Variants in SLC66A1 observed in about 807,000 individuals in gnomAD.
SLC66A1 encodes the protein lysosomal amino acid transporter 1 homolog.
Under a neutral mutation model 33.0 loss-of-function variants are expected in SLC66A1, and 23 were observed. The ratio of observed to expected loss-of-function variants is 0.70; its 90% CI spans 0.50 to 0.99. SLC66A1 has a LOEUF of 0.99. Ranked by LOEUF, SLC66A1 falls within the 50% of genes least tolerant of loss-of-function variation. The pLI, the probability that SLC66A1 is intolerant of heterozygous loss-of-function variation, is 0.00. For synonymous variants in SLC66A1, 164 were observed against 175.5 expected (o/e 0.93, Z 0.52); for missense variants, 335 against 383.6 (o/e 0.87, Z 1.06).
downstream of SLC66A1, among the ~76,000 whole-genome samples, chr1:19,330,310 G>C (rs1211285809): frequency 6.6e-6 from 1 of 152,206 alleles, no homozygotes; most frequent in Non-Finnish European, 1.5e-5. Context: ...GAGAGACGCT[G>C]CGTCCCAGAG....
At chr1:19,324,565 T>A in intron 2 of SLC66A1, 68 bp from the exon 3 acceptor site, 1 of 1,585,332 alleles carries the variant, frequency 6.3e-7, no homozygotes, top group Non-Finnish European at 8.6e-7. Flanking sequence ...CTGGGCGGTG[T>A]CCCCTATAAG....
At chr1:19,313,321 TCCTTTCTCACC>T (rs1464758643) in intron 1 of SLC66A1, 1 of 853,268 alleles carries the variant, frequency 1.2e-6, no homozygotes, top group African/African-American at 2.5e-5. Flanking sequence ...CCACCCTTTC[TCCTTTCTCACC>T]CGTTTCCTCT....
chr1:19,325,915 C>T (rs1439586739), intron 4 of SLC66A1, among the ~76,000 whole-genome samples: 2 of 152,192 alleles, frequency 1.3e-5, no homozygotes, highest in African/African-American at 4.8e-5. Context: ...CTGCCTCTGC[C>T]CCAGCCTTCA....
At chr1:19,316,353 T>TTGTGTGTGTGTGTGTGTGTG (rs36226389) in intron 1 of SLC66A1, among the ~76,000 whole-genome samples, 1 of 144,818 alleles carries the variant, frequency 6.9e-6, no homozygotes, top group African/African-American at 2.6e-5. Flanking sequence ...TCTTTATGGT[T>TTGTGTGTGTGTGTGTGTGTG]TGTGTGTGTG....
chr1:19,321,567 A>ATTTTTTTTT (rs35415316), intron 2 of SLC66A1, among the ~76,000 whole-genome samples: 1 of 132,450 alleles, frequency 7.6e-6, no homozygotes, highest in Non-Finnish European at 1.6e-5. Context: ...GTCCAACCTC[A>ATTTTTTTTT]TTTTTTTTTT....
At chr1:19,330,408 C>T (rs150745700), downstream of SLC66A1, among the ~76,000 whole-genome samples, 921 of 152,290 alleles carry the variant, frequency 6.0e-3, 9 homozygotes, top group Non-Finnish European at 7.6e-3. Context: ...CCTTTGTGAG[C>T]ACAGCCCTCC....
chr1:19,316,789 C>T (rs1558145665), intron 1 of SLC66A1, among the ~76,000 whole-genome samples: 1 of 152,090 alleles, frequency 6.6e-6, no homozygotes, highest in Non-Finnish European at 1.5e-5. Flanking sequence ...ACCTCAGCCT[C>T]CTGAGTAGCT....
chr1:19,325,219 A>G (rs992385940), intron 3 of SLC66A1, among the ~76,000 whole-genome samples: 49 of 152,140 alleles, frequency 3.2e-4, no homozygotes, highest in Non-Finnish European at 3.4e-4. Flanking sequence ...CCATCACTTC[A>G]CCGCGGAGTC....
intron 7 of SLC66A1, 179 bp downstream of exon 7, chr1:19,327,591 C>T: frequency 1.2e-6 from 1 of 810,348 alleles, no homozygotes; most frequent in East Asian, 2.8e-5. Flanking sequence ...CTCCTGTGTG[C>T]CAGGCACCCA....
At position 19,317,767 on chromosome 1, in the gene SLC66A1, C is replaced by G. The variant is rs772276265; in HGVS notation, c.90C>G (p.Ala30=). The G allele has an allele frequency of 1.2e-6, 2 of 1,614,024 alleles. No homozygotes were observed. The highest frequency in any genetic ancestry group is 2.7e-5 in the African/African-American group (2 of 74,902). ...TATGGGATGTGTTGGGTGAATGTGC[C>G]CAGGACGGCTGGGACGAGGCCAGCG... ...QWIWDVLGEC[A]QDGWDEASVG... Residue 30 remains alanine, a synonymous_variant, in exon 2 of 8, where the codon GCC becomes GCG. Transcript: ENST00000375153.
chr1:19,320,623 G>T (rs1008952815), intron 2 of SLC66A1, among the ~76,000 whole-genome samples: 2 of 151,660 alleles, frequency 1.3e-5, no homozygotes, highest in Non-Finnish European at 2.9e-5. Flanking sequence ...CACCGTGTTA[G>T]CCAGGATGGT....
At chr1:19,316,183 A>AGGTGGCTGTGGACTCCCTGCT (rs1553261259) in intron 1 of SLC66A1, among the ~76,000 whole-genome samples, 1 of 151,938 alleles carries the variant, frequency 6.6e-6, no homozygotes, top group African/African-American at 2.4e-5. Context: ...GACGGTGGGG[A>AGGTGGCTGTGGACTCCCTGCT]GGTGGCTGTG....
In SLC66A1 at chr1:19,324,482, C is replaced by A. The variant is rs760500924; in HGVS notation, c.165-151C>A. On this transcript the variant is annotated intron_variant, in intron 2 of 7. Transcript: ENST00000375153. ...AAGGGCCGAGAAGGCTTCTGAGGAT[C>A]CCGCCCGTGGGGAGGATGGGCCGCC... 5 of 911,668 alleles carry A rather than the reference C, an allele frequency of 5.5e-6. No individual in the cohort carries two copies. The African/African-American group carries it at 8.3e-5, about 15-fold the overall frequency. 56.5% of individuals were successfully genotyped at this position (911,668 alleles called of 1,614,324 possible). A position where few individuals can be genotyped will look rare whatever the true frequency, so the allele number is the denominator to read the frequency against.
rs779412047 is a variant in SLC66A1 at position 19,317,656 on chromosome 1, C to G, written c.-22C>G. 2 of 1,612,560 alleles carry G rather than the reference C, an allele frequency of 1.2e-6. No individual in the cohort carries two copies. Among genetic ancestry groups the G allele is most frequent in the Non-Finnish European group, 1.7e-6 (2 of 1,179,086 alleles). The stretch of plus-strand genomic sequence containing the variant: ...TCCCTCCGGTGCAGCCCTGCCTGGC[C>G]GGGGGCCCCTCCTCCACAGCCATGG... On this transcript the variant is annotated 5_prime_UTR_variant, in exon 2 of 8. Transcript: ENST00000375153.
At position 19,325,643 on chromosome 1, in the gene SLC66A1, G is replaced by C. The variant is rs1000265913; in HGVS notation, c.382+61G>C. 23 of 1,296,348 alleles carry C rather than the reference G, an allele frequency of 1.8e-5. 2 individuals carry two copies. Among genetic ancestry groups the C allele is most frequent in the Admixed American group, 9.5e-5 (5 of 52,450 alleles). 80.3% of individuals were successfully genotyped at this position (1,296,348 alleles called of 1,614,324 possible). On this transcript the variant is annotated intron_variant, in intron 4 of 7. Transcript: ENST00000375153. ...CCAGCAGCAGGGGGCAGTTGTGGGG[G>C]GGGGCGCCTGGAGTGTGGGAGGAAG...
downstream of SLC66A1, among the ~76,000 whole-genome samples, chr1:19,332,641 A>T (rs983596229): frequency 5.2e-4 from 79 of 152,162 alleles, no homozygotes; most frequent in African/African-American, 1.9e-3. Flanking sequence ...GGCGAATCTC[A>T]TCGATGGGAT....
intron 1 of SLC66A1, among the ~76,000 whole-genome samples, chr1:19,314,241 C>G (rs1231246114): frequency 6.6e-6 from 1 of 152,192 alleles, no homozygotes; most frequent in African/African-American, 2.4e-5. Flanking sequence ...GCACATGGGT[C>G]CTGTCCAAGG....
At chr1:19,327,643 T>C (rs1326950261) in intron 7 of SLC66A1, 4 of 707,334 alleles carry the variant, frequency 5.7e-6, no homozygotes, top group Admixed American at 4.1e-5. Context: ...CAGCCATGAG[T>C]GCCCCAGAAG....
chr1:19,318,657 G>A (rs1286298507), intron 2 of SLC66A1, among the ~76,000 whole-genome samples: 1 of 152,000 alleles, frequency 6.6e-6, no homozygotes, highest in Non-Finnish European at 1.5e-5. Context: ...CAGTCAGGAA[G>A]GACCTGGAGG....
Sources: allele counts gnomAD v4.1 joint callset (sites outside exome capture counted in the v4.1 genomes callset), GRCh38; gene constraint gnomAD v4.1.1; transcripts MANE v1.5; gene names NCBI Gene and HGNC (gene_info 2026-07-23, HGNC 2026-07-21).